The following ANLN variants were observed in gnomAD, a reference collection of about 807,000 sequenced individuals.
ANLN encodes anillin, actin binding protein, also known as anillin.
Under a neutral mutation model 135.1 loss-of-function variants are expected in ANLN, and 59 were observed. The observed-to-expected ratio is 0.44, with a 90% CI of 0.35 to 0.54. The LOEUF is 0.54. Ranked by LOEUF, ANLN falls within the 20% of genes least tolerant of loss-of-function variation. The pLI is 0.00. For synonymous variants in ANLN, 406 were observed against 456.4 expected, an observed-to-expected ratio of 0.89 and a Z score of 1.41; for missense variants, 1,182 against 1,340.0, an observed-to-expected ratio of 0.88 and a Z score of 1.84.
At chr7:36,396,861 T>C (rs903981852) in intron 2 of ANLN, among the ~76,000 whole-genome samples, 1 of 152,062 alleles carries the variant, frequency 6.6e-6, no homozygotes, top group Non-Finnish European at 1.5e-5. Flanking sequence ...CCCTTTTCAC[T>C]CTCTATTTGC....
At position 36,422,714 on chromosome 7, in the gene ANLN, A is replaced by G; in HGVS notation, c.2381A>G (p.Gln794Arg). Residue 794 changes from glutamine to arginine, a missense_variant, in exon 14 of 24, where the codon CAA becomes CGA. Gln to Arg is a conservative substitution (Grantham distance 43). This residue lies in a region of ANLN where 1,022 missense variants were observed against 1,134.0 expected (regional missense o/e 0.90). Coordinates refer to ENST00000265748, the MANE Select transcript of ANLN (RefSeq NM_018685.5). ...CAGAGGAAGAATAAGGCTAGTCCCC[A>G]AAGTGAATTTATGCCATCCAAAGGA... The part of the protein sequence containing the change: ...GPQRKNKASP[Q>R]SEFMPSKGSV... 6.2e-7 allele frequency: 1 copy of G among 1,613,252 alleles called. No individual in the cohort carries two copies. The highest frequency in any genetic ancestry group is 8.5e-7 in the Non-Finnish European group (1 of 1,179,752).
Position 36,415,891 on chromosome 7 carries a change from G to A in ANLN, c.1522+7G>A. 6.4e-7 allele frequency: 1 copy of A among 1,572,606 alleles called. No individual in the cohort carries two copies. Among genetic ancestry groups the A allele is most frequent in the Non-Finnish European group, 8.6e-7 (1 of 1,165,314 alleles). On this transcript the variant is annotated splice_region_variant and intron_variant, in intron 8 of 23. Coordinates refer to ENST00000265748, the MANE Select transcript of ANLN (RefSeq NM_018685.5). ...TCTAGTACAGAACCTAAAGGTCAGT[G>A]TTTCCAGATTGTTCATGGTTAGTAT...
intron 3 of ANLN, among the ~76,000 whole-genome samples, chr7:36,404,310 A>G (rs1255624040): frequency 6.6e-6 from 1 of 152,202 alleles, no homozygotes; most frequent in African/African-American, 2.4e-5. Context: ...TTGAGCATCC[A>G]GTAGTCTCCC....
At chr7:36,437,061 G>A (rs1456932177) in intron 20 of ANLN, among the ~76,000 whole-genome samples, 1 of 152,102 alleles carries the variant, frequency 6.6e-6, no homozygotes, top group Non-Finnish European at 1.5e-5. Context: ...TGAACTATAA[G>A]CATTATGTTA....
chr7:36,399,362 A>G lies in ANLN; in HGVS notation c.456A>G (p.Gln152=). The stretch of plus-strand genomic sequence containing the variant: ...CACGTATGCAAAAACTTGCAGAGCA[A>G]CGGCGCCGTTGGGATAATGATGATA... ...VKTRMQKLAE[Q]RRRWDNDDMT... Residue 152 remains glutamine (Q), a synonymous_variant, in exon 3 of 24, where the codon CAA becomes CAG. Coordinates refer to ENST00000265748, the MANE Select transcript of ANLN (RefSeq NM_018685.5). The G allele has an allele frequency of 6.2e-7, 1 of 1,613,056 alleles. No homozygotes were observed. Among genetic ancestry groups the G allele is most frequent in the Non-Finnish European group, 8.5e-7 (1 of 1,179,430 alleles).
At chr7:36,415,402 GTTATTTTATT>G (rs58082754) in intron 7 of ANLN, among the ~76,000 whole-genome samples, 10 of 149,274 alleles carry the variant, frequency 6.7e-5, no homozygotes, top group East Asian at 2.0e-4. Flanking sequence ...TTTTTTTATT[GTTATTTTATT>G]TTATTTTATT....
intron 1 of ANLN, among the ~76,000 whole-genome samples, chr7:36,390,878 T>C (rs1261075594): frequency 2.0e-5 from 3 of 152,252 alleles, no homozygotes; most frequent in Middle Eastern, 3.2e-3. Context: ...GTCCACTCTC[T>C]TTTATTCCAG....
chr7:36,395,324 C>T (rs1162777229), intron 1 of ANLN, among the ~76,000 whole-genome samples: 2 of 152,164 alleles, frequency 1.3e-5, no homozygotes, highest in African/African-American at 4.8e-5. Context: ...TTCTAAAGGC[C>T]ATCTGTATTT....
chr7:36,442,375 C>T (rs1004120085), intron 21 of ANLN, among the ~76,000 whole-genome samples: 1 of 152,210 alleles, frequency 6.6e-6, no homozygotes, highest in African/African-American at 2.4e-5. Flanking sequence ...GCAGCCCTCA[C>T]TGACTGTTTT....
chr7:36,429,655 C>G (rs1788232979), intron 20 of ANLN, among the ~76,000 whole-genome samples: 1 of 152,026 alleles, frequency 6.6e-6, no homozygotes, highest in African/African-American at 2.4e-5. Context: ...ATTAGATAAC[C>G]ATAAGAATTG....
intron 7 of ANLN, among the ~76,000 whole-genome samples, chr7:36,412,658 G>A (rs571706066): frequency 6.6e-6 from 1 of 152,096 alleles, no homozygotes; most frequent in African/African-American, 2.4e-5. Flanking sequence ...GCATATTCAT[G>A]TATTCACTTG....
chr7:36,440,040 C>A (rs1241399244), intron 21 of ANLN, among the ~76,000 whole-genome samples: 3 of 152,154 alleles, frequency 2.0e-5, no homozygotes, highest in African/African-American at 7.2e-5. Context: ...TAGTCAGTTC[C>A]CACCAATGTG....
intron 1 of ANLN, among the ~76,000 whole-genome samples, chr7:36,395,684 C>G (rs967850675): frequency 6.6e-6 from 1 of 151,830 alleles, no homozygotes; most frequent in Non-Finnish European, 1.5e-5. Flanking sequence ...TGTGCTCAGC[C>G]GGGCTGTTCT....
chr7:36,439,444 A>G (rs930190651), intron 21 of ANLN, among the ~76,000 whole-genome samples, 154 bp downstream of exon 21: 10 of 152,250 alleles, frequency 6.6e-5, no homozygotes, highest in African/African-American at 2.2e-4. Context: ...CTGTGCTGCC[A>G]TTGGAATGTA....
chr7:36,447,679 A>G (rs1273122864), intron 22 of ANLN, among the ~76,000 whole-genome samples: 1 of 152,066 alleles, frequency 6.6e-6, no homozygotes, highest in Non-Finnish European at 1.5e-5. Context: ...TCAGAACGCT[A>G]CTAAGTGACT....
intron 19 of ANLN, among the ~76,000 whole-genome samples, chr7:36,426,316 A>G (rs1286102582): frequency 6.6e-6 from 1 of 151,220 alleles, no homozygotes; most frequent in East Asian, 1.9e-4. Context: ...CTATTGTTCT[A>G]TAGATTTGTT....
chr7:36,415,011 G>GT (rs1787582407), intron 7 of ANLN, among the ~76,000 whole-genome samples: 3 of 152,174 alleles, frequency 2.0e-5, no homozygotes, highest in Admixed American at 6.5e-5. Flanking sequence ...ATTGAGCTCT[G>GT]TATAAGTATT....
At position 36,427,007 on chromosome 7, in the gene ANLN, T is replaced by G; in HGVS notation, c.2862T>G (p.Asn954Lys). The stretch of plus-strand genomic sequence containing the variant: ...CATTATCATTGTCTTCAGTAGGAAA[T>G]ACTAAGTTTGTTCTGGACAAGGTAA... ...SYTLSLSSVG[N>K]TKFVLDKVPF... Residue 954 changes from asparagine (N) to lysine (K), a missense_variant, in exon 20 of 24, where the codon AAT becomes AAG. Asn to Lys is a moderately conservative substitution (Grantham distance 94). Around this residue, in one of 3 missense-constraint regions of ANLN, gnomAD observed 1,022 missense variants for 1,134.0 expected, o/e 0.90. Coordinates refer to ENST00000265748, the MANE Select transcript of ANLN (RefSeq NM_018685.5). The G allele has an allele frequency of 6.2e-7, 1 of 1,610,492 alleles. No homozygotes were observed. Among genetic ancestry groups the G allele is most frequent in the Non-Finnish European group, 8.5e-7 (1 of 1,178,358 alleles).
chr7:36,404,251 C>T (rs182465637), intron 3 of ANLN, among the ~76,000 whole-genome samples: 209 of 152,236 alleles, frequency 1.4e-3, no homozygotes, highest in African/African-American at 4.9e-3. Context: ...ATTACAGGCA[C>T]GGGCCCTTTG....
Sources: allele counts gnomAD v4.1 joint callset (sites outside exome capture counted in the v4.1 genomes callset), GRCh38; gene constraint gnomAD v4.1.1; regional missense constraint gnomAD v4.1.1; transcripts MANE v1.5; gene names NCBI Gene and HGNC (gene_info 2026-07-23, HGNC 2026-07-21).